The following PACS1 variants were observed in gnomAD, a reference collection of about 807,000 sequenced individuals.
PACS1 encodes the protein phosphofurin acidic cluster sorting protein 1, also known as PACS-1.
PACS1 carries 24 observed loss-of-function variants against 115.0 expected under a neutral mutation model. The ratio of observed to expected loss-of-function variants is 0.21; its 90% CI spans 0.15 to 0.29. PACS1 has a LOEUF of 0.29. Among genes scored for constraint, PACS1 ranks in the 10% least tolerant of loss-of-function variants. PACS1 has a pLI of 1.00. For synonymous variants in PACS1, 453 were observed against 504.5 expected (o/e 0.90, Z 1.37); for missense variants, 838 against 1,251.2 (o/e 0.67, Z 4.98).
chr11:66,101,206 C>A (rs911252945), intron 1 of PACS1, among the ~76,000 whole-genome samples: 5 of 152,200 alleles, frequency 3.3e-5, no homozygotes, highest in Admixed American at 6.5e-5. Flanking sequence ...AAGTTTTAAA[C>A]ACTTACATCT....
chr11:66,159,258 G>A (rs565459), intron 1 of PACS1, among the ~76,000 whole-genome samples: 149,982 of 152,118 alleles, frequency 0.99, 73,964 homozygotes, highest in Middle Eastern at 1. Flanking sequence ...ACCAACATGG[G>A]GAAACCCCAT....
At chr11:66,202,732 A>G (rs1270443119) in intron 2 of PACS1, among the ~76,000 whole-genome samples, 3 of 48,254 alleles carry the variant, frequency 6.2e-5, no homozygotes, top group Admixed American at 2.5e-4. Context: ...CTAGGAAAAA[A>G]AAAAAAAAAA....
intron 1 of PACS1, among the ~76,000 whole-genome samples, chr11:66,098,169 T>C (rs1287279605): frequency 6.6e-6 from 1 of 152,182 alleles, no homozygotes; most frequent in Non-Finnish European, 1.5e-5. Flanking sequence ...AGAGTGAGAT[T>C]CCGTCTCAAA....
chr11:66,213,033 A>G (rs945011825), intron 4 of PACS1, among the ~76,000 whole-genome samples: 2 of 151,860 alleles, frequency 1.3e-5, no homozygotes, highest in African/African-American at 4.8e-5. Flanking sequence ...TTATATTTTT[A>G]GTAGAGATGG....
At chr11:66,075,894 C>T (rs1205099625) in intron 1 of PACS1, among the ~76,000 whole-genome samples, 3 of 152,030 alleles carry the variant, frequency 2.0e-5, no homozygotes, top group South Asian at 2.1e-4. Context: ...CCCGCCACCA[C>T]GCCCAGCTAA....
At chr11:66,159,228 G>A (rs566460722) in intron 1 of PACS1, among the ~76,000 whole-genome samples, 1 of 152,056 alleles carries the variant, frequency 6.6e-6, no homozygotes, top group African/African-American at 2.4e-5. Context: ...ACCTGAAGTC[G>A]GGAGTTCGAG....
intron 1 of PACS1, among the ~76,000 whole-genome samples, chr11:66,169,988 A>G (rs1859698652): frequency 6.6e-6 from 1 of 150,616 alleles, no homozygotes; most frequent in African/African-American, 2.5e-5. Flanking sequence ...ACTACTGACC[A>G]CTGTCTTTAA....
chr11:66,214,183 T>C (rs971100218), intron 4 of PACS1, among the ~76,000 whole-genome samples: 1 of 152,180 alleles, frequency 6.6e-6, no homozygotes, highest in African/African-American at 2.4e-5. Flanking sequence ...TTCTGTACTT[T>C]AGTAAATTAA....
chr11:66,215,486 C>T (rs1855179675), intron 4 of PACS1, among the ~76,000 whole-genome samples: 1 of 151,916 alleles, frequency 6.6e-6, no homozygotes, highest in African/African-American at 2.4e-5. Flanking sequence ...GCCTGTGGTC[C>T]CAGCTACTGA....
intron 1 of PACS1, among the ~76,000 whole-genome samples, chr11:66,098,375 A>G (rs1857834281): frequency 6.6e-6 from 1 of 152,054 alleles, no homozygotes; most frequent in Non-Finnish European, 1.5e-5. Flanking sequence ...AGGAACTTGC[A>G]CATTCCTCTC....
In PACS1 at chr11:66,227,565, TG is replaced by T. The variant is rs2134729561; in HGVS notation, c.1356del (p.Thr453LeufsTer31). 1 of 1,610,448 alleles carries T rather than the reference TG, an allele frequency of 6.2e-7. No homozygotes were observed. On this transcript the variant is annotated frameshift_variant, in exon 11 of 24. Transcript: ENST00000320580. LOFTEE classifies it high-confidence loss of function. ...TGGATTAAAAACCAAGATGACAGCT[TG>T]ACTGAAACAGACACTCTGGTATGTA... ...STWIKNQDDS[L>X]TETDTLEITD... is the part of the protein sequence containing the mutation.
intron 1 of PACS1, among the ~76,000 whole-genome samples, chr11:66,173,487 C>G (rs974644921): frequency 6.6e-6 from 1 of 152,102 alleles, no homozygotes; most frequent in Admixed American, 6.6e-5. Context: ...GCAAGCGGAT[C>G]ACTTGAGCTC....
chr11:66,224,520 TTTA>T (rs1217093911), intron 10 of PACS1, among the ~76,000 whole-genome samples: 1 of 152,216 alleles, frequency 6.6e-6, no homozygotes, highest in Non-Finnish European at 1.5e-5. Context: ...TACTATTGCT[TTTA>T]TTATTATAAT....
rs1855202739 is a variant in PACS1 at position 66,216,122 on chromosome 11, A to G, written c.664A>G (p.Met222Val). 1 of 1,613,762 alleles carries G rather than the reference A, an allele frequency of 6.2e-7. No homozygotes were observed. Among genetic ancestry groups the G allele is most frequent in the Non-Finnish European group, 8.5e-7 (1 of 1,179,928 alleles). ...AVGLINMAEV[M>V]QHPNEGALVL... ...CACCACCTCCCCTGGCTCCTAGGTG[A>G]TGCAGCATCCTAATGAAGGCGCACT... Residue 222 changes from methionine to valine, a missense_variant, in exon 5 of 24, where the codon ATG becomes GTG. Around this residue, in one of 6 missense-constraint regions of PACS1, gnomAD observed 223 missense variants for 354.0 expected, o/e 0.63. Transcript: ENST00000320580.
chr11:66,228,860 G>A (rs2134731632), intron 11 of PACS1, among the ~76,000 whole-genome samples: 1 of 152,244 alleles, frequency 6.6e-6, no homozygotes, highest in African/African-American at 2.4e-5. Flanking sequence ...CTAGATTTGT[G>A]CTTCTTACTT....
chr11:66,196,052 C>T (rs1312742334), intron 2 of PACS1, among the ~76,000 whole-genome samples: 1 of 152,162 alleles, frequency 6.6e-6, no homozygotes, highest in Non-Finnish European at 1.5e-5. Context: ...TGTTGTTTAC[C>T]ATCTCATGAG....
chr11:66,165,211 C>T (rs1375671598), intron 1 of PACS1, among the ~76,000 whole-genome samples: 2 of 152,192 alleles, frequency 1.3e-5, no homozygotes, highest in Non-Finnish European at 2.9e-5. Flanking sequence ...TTCCACTCTT[C>T]GGCAGCATCT....
chr11:66,191,402 T>G lies in PACS1; in HGVS notation c.357-2084T>G, dbSNP rs553115842. On this transcript the variant is annotated intron_variant, in intron 1 of 23. Transcript: ENST00000320580. ...TTGCCAAGGTACCATATTCACAGGTTTTGGGGATTAGGAGATGACATCTGG... is the reference window on the plus strand; with the variant it reads ...TTGCCAAGGTACCATATTCACAGGTGTTGGGGATTAGGAGATGACATCTGG... Among the ~76,000 whole-genome samples the G allele has an allele frequency of 3.9e-4, 59 of 152,194 alleles. No homozygotes were observed. In the South Asian group the frequency reaches 0.011, roughly 29 times the overall value.
intron 1 of PACS1, among the ~76,000 whole-genome samples, chr11:66,107,152 T>TC (rs1410053452): frequency 6.6e-6 from 1 of 152,102 alleles, no homozygotes; most frequent in Admixed American, 6.5e-5. Context: ...GACAGCACCC[T>TC]CCCCCAGTCT....
Sources: gnomAD v4.1 joint callset for allele counts (sites outside exome capture counted in the v4.1 genomes callset) on GRCh38, gnomAD v4.1.1 for gene constraint, gnomAD v4.1.1 regional missense constraint, MANE v1.5 for transcripts, NCBI Gene and HGNC (gene_info 2026-07-23, HGNC 2026-07-21) for gene names.